Variants in MYRIP observed in about 807,000 individuals in gnomAD.
MYRIP encodes rab effector MyRIP.
In MYRIP, 49 loss-of-function variants were observed where a neutral mutation model predicts 98.0. The ratio of observed to expected loss-of-function variants is 0.50; its 90% CI spans 0.40 to 0.63. The LOEUF (loss-of-function observed/expected upper bound fraction) is 0.63. Among genes scored for constraint, MYRIP ranks in the 30% least tolerant of loss-of-function variants. MYRIP has a pLI of 0.00. For missense variants in MYRIP, 1,004 were observed against 1,058.2 expected, an observed-to-expected ratio of 0.95 and a Z score of 0.71; for synonymous variants, 404 against 409.5, an observed-to-expected ratio of 0.99 and a Z score of 0.16.
chr3:40,208,025 T>C (rs533172719), intron 10 of MYRIP, among the ~76,000 whole-genome samples: 234 of 152,208 alleles, frequency 1.5e-3, no homozygotes, highest in Non-Finnish European at 2.2e-3. Context: ...TATGTCACTA[T>C]TGAATCATCC....
chr3:39,889,165 C>A (rs1943406407), intron 1 of MYRIP, among the ~76,000 whole-genome samples: 1 of 152,182 alleles, frequency 6.6e-6, no homozygotes, highest in African/African-American at 2.4e-5. Context: ...TTGACCCAGC[C>A]ATCCCATTAC....
At chr3:40,032,439 C>T (rs1947281858) in intron 2 of MYRIP, among the ~76,000 whole-genome samples, 1 of 152,128 alleles carries the variant, frequency 6.6e-6, no homozygotes, top group South Asian at 2.1e-4. Context: ...GAGAGCTTTA[C>T]TTCCAACTAT....
chr3:39,946,471 C>G (rs896384096), intron 2 of MYRIP, among the ~76,000 whole-genome samples: 4 of 152,064 alleles, frequency 2.6e-5, no homozygotes, highest in Non-Finnish European at 4.4e-5. Context: ...CCTTTAAGAA[C>G]AGAGTTTTCT....
At chr3:39,995,015 A>G (rs1946302908) in intron 2 of MYRIP, among the ~76,000 whole-genome samples, 2 of 152,136 alleles carry the variant, frequency 1.3e-5, no homozygotes, top group Non-Finnish European at 2.9e-5. Flanking sequence ...CAGAAAGGAC[A>G]TCCACACCAA....
chr3:39,994,264 G>A (rs1355176323), intron 2 of MYRIP, among the ~76,000 whole-genome samples: 1 of 152,250 alleles, frequency 6.6e-6, no homozygotes, highest in Non-Finnish European at 1.5e-5. Flanking sequence ...GGAAGTGCAA[G>A]GGGTCAGGGA....
At chr3:40,252,692 AT>A (rs1287584565) in intron 16 of MYRIP, among the ~76,000 whole-genome samples, 1 of 152,232 alleles carries the variant, frequency 6.6e-6, no homozygotes, top group African/African-American at 2.4e-5. Context: ...ATGTGGCAAA[AT>A]AGTGGGAAGA....
intron 2 of MYRIP, among the ~76,000 whole-genome samples, chr3:39,992,443 G>A (rs1427488502): frequency 6.6e-6 from 1 of 152,154 alleles, no homozygotes; most frequent in Non-Finnish European, 1.5e-5. Context: ...CAAGGGCACA[G>A]CTACCTTGCA....
chr3:39,814,282 ATGTT>A (rs1940802451), intron 1 of MYRIP, among the ~76,000 whole-genome samples: 1 of 152,168 alleles, frequency 6.6e-6, no homozygotes, highest in African/African-American at 2.4e-5. Flanking sequence ...TATTAATCAG[ATGTT>A]TTGATTTTGG....
chr3:40,121,523 A>G (rs1421912671), intron 3 of MYRIP, among the ~76,000 whole-genome samples: 1 of 151,820 alleles, frequency 6.6e-6, no homozygotes, highest in Non-Finnish European at 1.5e-5. Flanking sequence ...CATTCACCAC[A>G]TCCATTCCCC....
intron 16 of MYRIP, among the ~76,000 whole-genome samples, chr3:40,252,611 C>T (rs376972821): frequency 7.2e-5 from 11 of 152,296 alleles, no homozygotes; most frequent in African/African-American, 2.4e-4. Flanking sequence ...TAACTATACA[C>T]AGAGAACTTT....
At chr3:40,148,354 C>T (rs375589474) in intron 3 of MYRIP, among the ~76,000 whole-genome samples, 4 of 152,164 alleles carry the variant, frequency 2.6e-5, no homozygotes, top group African/African-American at 9.6e-5. Context: ...GGGAAATTTT[C>T]TTCTGTTATG....
At chr3:40,223,430 C>T (rs1229588268) in intron 11 of MYRIP, among the ~76,000 whole-genome samples, 1 of 152,158 alleles carries the variant, frequency 6.6e-6, no homozygotes, top group Admixed American at 6.5e-5. Context: ...TTAAATTTAA[C>T]TCACCATTAA....
rs539767748 is a variant in MYRIP at position 40,136,681 on chromosome 3, T to A, written c.333-14367T>A. On this transcript the variant is annotated intron_variant, in intron 3 of 16. Transcript: ENST00000302541. ...TAAAAGAACAGAAATTATAACAAAC[T>A]GTCTCTCAGACCACAGTGCAATCAA... Among the ~76,000 whole-genome samples, 259 of 152,164 alleles carry A rather than the reference T, an allele frequency of 1.7e-3. 2 individuals carry two copies. Among genetic ancestry groups the A allele is most frequent in the South Asian group, 0.011 (52 of 4,800 alleles).
At chr3:39,877,942 C>G (rs1443917210) in intron 1 of MYRIP, among the ~76,000 whole-genome samples, 1 of 152,206 alleles carries the variant, frequency 6.6e-6, no homozygotes, top group Non-Finnish European at 1.5e-5. Flanking sequence ...TGCCCTGCCC[C>G]CAGAGGTGGA....
chr3:40,032,500 C>T, intron 2 of MYRIP, among the ~76,000 whole-genome samples: 1 of 152,050 alleles, frequency 6.6e-6, no homozygotes, highest in East Asian at 1.9e-4. Flanking sequence ...AATGTATATT[C>T]TGTTGATTTG....
chr3:39,955,416 C>G (rs1382510941), intron 2 of MYRIP, among the ~76,000 whole-genome samples: 1 of 152,136 alleles, frequency 6.6e-6, no homozygotes, highest in East Asian at 1.9e-4. Flanking sequence ...AATTTCATAT[C>G]CAGCCAAACT....
At chr3:39,942,650 A>T (rs1944816268) in intron 2 of MYRIP, among the ~76,000 whole-genome samples, 1 of 152,124 alleles carries the variant, frequency 6.6e-6, no homozygotes, top group African/African-American at 2.4e-5. Flanking sequence ...TCTTTTATTT[A>T]TGCTGGAAAC....
intron 3 of MYRIP, among the ~76,000 whole-genome samples, chr3:40,150,373 G>A (rs1379396371): frequency 6.6e-6 from 1 of 152,224 alleles, no homozygotes; most frequent in African/African-American, 2.4e-5. Flanking sequence ...TTACAGGCAT[G>A]AGCCACAGCA....
At chr3:39,877,291 C>T (rs1208762717) in intron 1 of MYRIP, among the ~76,000 whole-genome samples, 2 of 152,104 alleles carry the variant, frequency 1.3e-5, no homozygotes, top group Non-Finnish European at 1.5e-5. Flanking sequence ...GTTTGAATGT[C>T]CTCCCGTAGC....
Sources: allele counts gnomAD v4.1 joint callset (sites outside exome capture counted in the v4.1 genomes callset), GRCh38; gene constraint gnomAD v4.1.1; transcripts MANE v1.5; gene names NCBI Gene and HGNC (gene_info 2026-07-23, HGNC 2026-07-21).